The following SPATA4 variants were observed in gnomAD, a reference collection of about 807,000 sequenced individuals.
SPATA4 encodes spermatogenesis associated 4.
A neutral mutation model predicts 31.8 loss-of-function variants in SPATA4; 35 were observed. The observed-to-expected ratio is 1.10, with a 90% CI of 0.84 to 1.46. The LOEUF is 1.46. Ranked by LOEUF, SPATA4 falls within the 40% of genes most tolerant of loss-of-function variation. SPATA4 has a pLI of 0.00. For synonymous variants in SPATA4, 126 were observed against 132.4 expected, an observed-to-expected ratio of 0.95 and a Z score of 0.33; for missense variants, 394 against 363.1, an observed-to-expected ratio of 1.09 and a Z score of -0.69.
Position 176,195,375 on chromosome 4 carries a change from T to A in SPATA4, c.188A>T (p.Asp63Val), listed in dbSNP as rs1752600180. The A allele has an allele frequency of 6.2e-7, 1 of 1,613,968 alleles. No individual in the cohort carries two copies. Among genetic ancestry groups the A allele is most frequent in the East Asian group, 2.2e-5 (1 of 44,842 alleles). Residue 63 changes from aspartate (D) to valine (V), a missense_variant, in exon 1 of 6, where the codon GAT becomes GTT. Coordinates refer to ENST00000280191, the MANE Select transcript of SPATA4 (RefSeq NM_144644.4). ...GATGTTCCTGGGGAAGAAGCTGAGA[T>A]CCAGACCCTGAAGCCAACGCAGAAC... Reference protein sequence around the residue: ...RSVLRWLQGLDLSFFPRNINR... With the variant: ...RSVLRWLQGLVLSFFPRNINR...
At chr4:176,193,698 T>C (rs1479197601) in intron 1 of SPATA4, 116 bp from the exon 2 acceptor site, 6 of 1,122,674 alleles carry the variant, frequency 5.3e-6, no homozygotes, top group Non-Finnish European at 6.0e-6. Context: ...AAAGTGAGTG[T>C]TGTTGGATCG....
intron 2 of SPATA4, among the ~76,000 whole-genome samples, 175 bp downstream of exon 2, chr4:176,193,278 A>C (rs1007767768): frequency 1.3e-5 from 2 of 152,244 alleles, no homozygotes; most frequent in African/African-American, 4.8e-5. Context: ...TCAGTTTCAT[A>C]GGTGACTCAT....
At chr4:176,185,576 T>C (rs1579293469) in intron 5 of SPATA4, among the ~76,000 whole-genome samples, 1 of 152,180 alleles carries the variant, frequency 6.6e-6, no homozygotes, top group East Asian at 1.9e-4. Context: ...GTTCCTACAG[T>C]CTAGTGTTTT....
rs1390074658 is a variant in SPATA4 at position 176,192,969 on chromosome 4, T to C, written c.456A>G (p.Leu152=). 6.2e-7 allele frequency: 1 copy of C among 1,603,670 alleles called. No individual in the cohort carries two copies. Among genetic ancestry groups the C allele is most frequent in the Non-Finnish European group, 8.5e-7 (1 of 1,175,260 alleles). Reference sequence around the variant, plus strand: ...TACAAAGAACTTACTCTCGATGTGTTAATAAAGTGTAAACCTCTTCTATCA... The same window carrying C: ...TACAAAGAACTTACTCTCGATGTGTCAATAAAGTGTAAACCTCTTCTATCA... ...EILIEEVYTL[L]THREIKSIQD... The change falls in exon 3 of 6, where the codon TTA becomes TTG. Residue 152 remains leucine (L), a synonymous_variant. Transcript: ENST00000280191.
Position 176,195,379 on chromosome 4 carries a change from G to C in SPATA4, c.184C>G (p.Leu62Val). The change falls in exon 1 of 6, where the codon CTG (leucine) becomes GTG (valine). Residue 62 changes from leucine (L) to valine (V), a missense_variant. Transcript: ENST00000280191. Reference sequence around the variant, plus strand: ...TTCCTGGGGAAGAAGCTGAGATCCAGACCCTGAAGCCAACGCAGAACGGAA... The same window carrying C: ...TTCCTGGGGAAGAAGCTGAGATCCACACCCTGAAGCCAACGCAGAACGGAA... ...SRSVLRWLQG[L>V]DLSFFPRNIN... is the part of the protein sequence containing the mutation. The C allele has an allele frequency of 6.2e-7, 1 of 1,614,198 alleles. No individual in the cohort carries two copies. Among genetic ancestry groups the C allele is most frequent in the Non-Finnish European group, 8.5e-7 (1 of 1,180,052 alleles).
intron 4 of SPATA4, among the ~76,000 whole-genome samples, chr4:176,191,994 G>A (rs1441482581): frequency 6.6e-6 from 1 of 152,160 alleles, no homozygotes; most frequent in Admixed American, 6.5e-5. Context: ...GGAATCAAGT[G>A]AAATAAAATT....
intron 5 of SPATA4, among the ~76,000 whole-genome samples, chr4:176,187,532 A>G (rs1469574832): frequency 1.3e-5 from 2 of 150,406 alleles, no homozygotes; most frequent in African/African-American, 2.5e-5. Context: ...TGAACCCAGG[A>G]GGTGGAAGTT....
intron 1 of SPATA4, chr4:176,194,042 A>C (rs1236716253): frequency 4.5e-5 from 7 of 154,940 alleles, no homozygotes; most frequent in African/African-American, 1.7e-4. Flanking sequence ...GTCTGATGAA[A>C]CCTCCCTGCC....
intron 1 of SPATA4, chr4:176,194,696 CA>C (rs1458981347): frequency 1.3e-5 from 2 of 148,724 alleles, no homozygotes; most frequent in African/African-American, 4.9e-5. Flanking sequence ...CCATCTCCGA[CA>C]AAGGGTAAAC....
chr4:176,195,233 G>T, intron 1 of SPATA4, 112 bp downstream of exon 1: 2 of 930,362 alleles, frequency 2.1e-6, no homozygotes, highest in Non-Finnish European at 3.4e-6. Context: ...GGGTGGGGGG[G>T]TCTTGATTTG....
Position 176,195,328 on chromosome 4 carries a change from C to A in SPATA4, c.218+17G>T, listed in dbSNP as rs374841006. The A allele has an allele frequency of 1.6e-4, 259 of 1,613,530 alleles. No individual in the cohort carries two copies. The highest frequency in any genetic ancestry group is 2.1e-4 in the Non-Finnish European group (247 of 1,179,730). ...GGGCGCCCACCGGGGGGGCCTAGGA[C>A]TGGCTTACTCAAGCACCTGTTGATG... On this transcript the variant is annotated intron_variant, in intron 1 of 5. Transcript: ENST00000280191.
intron 5 of SPATA4, among the ~76,000 whole-genome samples, chr4:176,185,218 A>G (rs146281879): frequency 5.9e-5 from 9 of 152,302 alleles, no homozygotes; most frequent in Admixed American, 4.6e-4. Flanking sequence ...GCACAATTTT[A>G]TACTTAGATT....
rs139450766 is a variant in SPATA4, at chr4:176,188,154, A to G, written c.770T>C (p.Leu257Ser). The G allele has an allele frequency of 1.9e-6, 3 of 1,613,492 alleles. No homozygotes were observed. The highest frequency in any genetic ancestry group is 2.7e-5 in the African/African-American group (2 of 74,914). The change falls in exon 5 of 6, where the codon TTA becomes TCA. Residue 257 changes from leucine to serine, a missense_variant. Coordinates refer to ENST00000280191, the MANE Select transcript of SPATA4 (RefSeq NM_144644.4). ...GACAACTCTTCCTCTTTTAACTTTTAAATTATATCTGCGCCCAGAGGCTTG... is the reference window on the plus strand; with the variant it reads ...GACAACTCTTCCTCTTTTAACTTTTGAATTATATCTGCGCCCAGAGGCTTG... ...PAQASGRRYNLKVKRGRVVPV... is the reference protein window; with the variant it reads ...PAQASGRRYNSKVKRGRVVPV...
At chr4:176,185,147 A>T (rs1258583567) in intron 5 of SPATA4, among the ~76,000 whole-genome samples, 2 of 152,208 alleles carry the variant, frequency 1.3e-5, no homozygotes, top group African/African-American at 4.8e-5. Flanking sequence ...GGTGCATCTG[A>T]TACTGAATAT....
rs1752571406 is a variant in SPATA4 at position 176,193,817 on chromosome 4, T to G, written c.219-235A>C. Reference sequence around the variant, plus strand: ...CTGTTAATTTGTATTGAATCCGCATTTCAAGAAGATCCCCAGGTGATTCAT... The same window carrying G: ...CTGTTAATTTGTATTGAATCCGCATGTCAAGAAGATCCCCAGGTGATTCAT... On this transcript the variant is annotated intron_variant, in intron 1 of 5. Transcript: ENST00000280191. 2.5e-5 allele frequency: 8 copies of G among 324,662 alleles called. No homozygotes were observed. The South Asian group carries it at 3.2e-4, about 13-fold the overall frequency. 20.1% of individuals were successfully genotyped at this position (324,662 alleles called of 1,614,324 possible).
chr4:176,190,445 A>G (rs1412728648), intron 4 of SPATA4, among the ~76,000 whole-genome samples: 1 of 152,252 alleles, frequency 6.6e-6, no homozygotes, highest in Admixed American at 6.5e-5. Context: ...GACTTAAAAC[A>G]GCCATTTTTA....
chr4:176,185,346 C>CTAAGACATCTA (rs879912355), intron 5 of SPATA4, among the ~76,000 whole-genome samples: 16 of 152,108 alleles, frequency 1.1e-4, no homozygotes, highest in Admixed American at 1.0e-3. Context: ...CCAGTGGCAA[C>CTAAGACATCTA]TAAGACATCT....
At chr4:176,192,455 A>G (rs1464815376) in intron 4 of SPATA4, among the ~76,000 whole-genome samples, 172 bp downstream of exon 4, 2 of 152,242 alleles carry the variant, frequency 1.3e-5, no homozygotes, top group African/African-American at 4.8e-5. Context: ...TTGATTTATA[A>G]ACCACTCCAA....
At position 176,192,716 on chromosome 4, in the gene SPATA4, T is replaced by G. The variant is rs765034017; in HGVS notation, c.599A>C (p.Asn200Thr). ...AAGTTCATTGGTCAGCATGTTGGGA[T>G]TGCTTAGTAATTCTGATAACCTAAT... ...DNIRLSELLS[N>T]PNMLTNELKA... The change falls in exon 4 of 6, where the codon AAT becomes ACT. Residue 200 changes from asparagine (N) to threonine (T), a missense_variant. Physicochemically the swap from Asn to Thr is moderately conservative, Grantham distance 65. Transcript: ENST00000280191. 5 of 1,614,146 alleles carry G rather than the reference T, an allele frequency of 3.1e-6. No homozygotes were observed. The Admixed American group carries it at 8.3e-5, about 27-fold the overall frequency.
Sources: gnomAD v4.1 joint callset for allele counts (sites outside exome capture counted in the v4.1 genomes callset) on GRCh38, gnomAD v4.1.1 for gene constraint, MANE v1.5 for transcripts, NCBI Gene and HGNC (gene_info 2026-07-23, HGNC 2026-07-21) for gene names.